The following SEMA3D variants were observed in gnomAD, a reference collection of about 807,000 sequenced individuals.
SEMA3D encodes semaphorin-3D.
In SEMA3D, 84 loss-of-function variants were observed where a neutral mutation model predicts 100.1. That is an observed-to-expected ratio of 0.84 (90% confidence interval 0.70 to 1.01). SEMA3D has a LOEUF of 1.01. SEMA3D is among the 50% of genes least tolerant of loss of function. The pLI is 0.00. For synonymous variants in SEMA3D, 312 were observed against 320.7 expected, an observed-to-expected ratio of 0.97 and a Z score of 0.29; for missense variants, 875 against 934.1, an observed-to-expected ratio of 0.94 and a Z score of 0.82.
chr7:85,225,081 T>C, the SEMA3D span, among the ~76,000 whole-genome samples: 5 of 15,784 alleles, frequency 3.2e-4, no homozygotes, highest in Admixed American at 5.2e-4. Flanking sequence ...TATATATATA[T>C]ATATATATAT....
chr7:85,108,884 T>C (rs1238612843), intron 3 of SEMA3D, among the ~76,000 whole-genome samples: 1 of 151,748 alleles, frequency 6.6e-6, no homozygotes, highest in Non-Finnish European at 1.5e-5. Context: ...CTTTTTCCCC[T>C]CAGCTTTTTT....
chr7:85,178,425 G>A (rs2116568022), intron 1 of SEMA3D, among the ~76,000 whole-genome samples: 1 of 152,264 alleles, frequency 6.6e-6, no homozygotes, highest in East Asian at 1.9e-4. Context: ...ACAATGAAGT[G>A]CAGGCTGAGG....
chr7:85,041,396 A>AC (rs1230330545), intron 10 of SEMA3D: 2 of 151,852 alleles, frequency 1.3e-5, no homozygotes, highest in Admixed American at 6.6e-5. Context: ...GAAAATAGCT[A>AC]CCCCCAAATT....
intron 2 of SEMA3D, among the ~76,000 whole-genome samples, chr7:85,127,898 T>C (rs559939668): frequency 2.6e-5 from 4 of 152,232 alleles, no homozygotes; most frequent in Non-Finnish European, 4.4e-5. Flanking sequence ...GATAATCTTA[T>C]AATATGCTTT....
At chr7:85,071,097 C>A (rs139981828) in intron 6 of SEMA3D, among the ~76,000 whole-genome samples, 1 of 152,276 alleles carries the variant, frequency 6.6e-6, no homozygotes, top group East Asian at 1.9e-4. Context: ...CTATAAAACA[C>A]TATTTGCCCC....
At chr7:85,056,728 A>T (rs1316949096) in intron 8 of SEMA3D, among the ~76,000 whole-genome samples, 1 of 150,360 alleles carries the variant, frequency 6.7e-6, no homozygotes. Context: ...AGTATTTATG[A>T]CAGAGTTCTA....
the SEMA3D span, among the ~76,000 whole-genome samples, chr7:85,195,654 G>A: frequency 3.3e-5 from 5 of 152,040 alleles, no homozygotes; most frequent in African/African-American, 9.7e-5. Flanking sequence ...TCAACTCAGC[G>A]CTGATTTTTC....
chr7:85,049,373 T>TA (rs987927329), intron 9 of SEMA3D, among the ~76,000 whole-genome samples: 4 of 151,620 alleles, frequency 2.6e-5, no homozygotes, highest in Non-Finnish European at 4.4e-5. Flanking sequence ...CAGAAACTCA[T>TA]AAAAATTATT....
chr7:85,032,213 G>T (rs1418133012), intron 12 of SEMA3D, among the ~76,000 whole-genome samples: 2 of 151,808 alleles, frequency 1.3e-5, no homozygotes, highest in African/African-American at 2.4e-5. Flanking sequence ...TATCTGATAC[G>T]CTGTGAAATA....
At chr7:85,074,822 G>T (rs1232028800) in intron 5 of SEMA3D, among the ~76,000 whole-genome samples, 1 of 151,878 alleles carries the variant, frequency 6.6e-6, no homozygotes, top group Non-Finnish European at 1.5e-5. Flanking sequence ...GTCTCGCTTT[G>T]TTACCTAGTC....
intron 11 of SEMA3D, 65 bp from the exon 12 acceptor site, chr7:85,037,098 C>T (rs557208795): frequency 2.6e-6 from 4 of 1,522,952 alleles, no homozygotes; most frequent in Admixed American, 3.5e-5. Context: ...TGACTGAGCA[C>T]ATACTATCAG....
chr7:85,144,235 A>C (rs1227013256), intron 2 of SEMA3D: 1 of 154,888 alleles, frequency 6.5e-6, no homozygotes, highest in Non-Finnish European at 1.4e-5. Context: ...TAGCAATAAA[A>C]ATTGGTTTGT....
chr7:85,020,130 G>T, intron 14 of SEMA3D, 103 bp downstream of exon 14: 6 of 717,566 alleles, frequency 8.4e-6, no homozygotes, highest in South Asian at 3.6e-5. Context: ...AATTTCAAAG[G>T]CTTCTTCAGG....
At chr7:85,141,425 G>A (rs1790049872) in intron 2 of SEMA3D, 1 of 984,622 alleles carries the variant, frequency 1.0e-6, no homozygotes, top group African/African-American at 1.7e-5. Context: ...TGGGGATTCT[G>A]TGCTAATATT....
At chr7:85,229,119 T>C in the SEMA3D span, among the ~76,000 whole-genome samples, 31 of 152,166 alleles carry the variant, frequency 2.0e-4, no homozygotes, top group African/African-American at 6.5e-4. Context: ...GAAGATATAC[T>C]AAGTTGTAAA....
At position 85,020,236 on chromosome 7, in the gene SEMA3D, G is replaced by C. The variant is rs375403623; in HGVS notation, c.1500C>G (p.Phe500Leu). ...GGCACTCTGGACTGAGTCTTACCTT[G>C]AATATCTGCAACTCCTCCAGCACTA... ...EEVVLEELQI[F>L]KHSSIILNME... The change falls in exon 14 of 19, where the codon TTC becomes TTG. Residue 500 changes from phenylalanine (F) to leucine (L), a missense_variant. Transcript: ENST00000284136. 3.4e-5 allele frequency: 55 copies of C among 1,603,604 alleles called. No homozygotes were observed. Among genetic ancestry groups the C allele is most frequent in the Non-Finnish European group, 4.5e-5 (53 of 1,171,692 alleles).
At chr7:85,193,385 A>G in the SEMA3D span, among the ~76,000 whole-genome samples, 6 of 152,266 alleles carry the variant, frequency 3.9e-5, no homozygotes, top group East Asian at 5.8e-4. Context: ...AAGAAGTATC[A>G]AGAAAAAAAT....
intron 4 of SEMA3D, among the ~76,000 whole-genome samples, chr7:85,083,746 C>G (rs1788132673): frequency 6.6e-6 from 1 of 151,332 alleles, no homozygotes; most frequent in Non-Finnish European, 1.5e-5. Context: ...ACTCGGGAGG[C>G]TGAGGCAGGA....
At chr7:85,077,199 A>T (rs1180006671) in intron 5 of SEMA3D, among the ~76,000 whole-genome samples, 3 of 152,014 alleles carry the variant, frequency 2.0e-5, no homozygotes, top group Admixed American at 2.0e-4. Context: ...TATATCTTAA[A>T]AATGAGAGAT....
Sources: gnomAD v4.1 joint callset for allele counts (sites outside exome capture counted in the v4.1 genomes callset) on GRCh38, gnomAD v4.1.1 for gene constraint, MANE v1.5 for transcripts, NCBI Gene and HGNC (gene_info 2026-07-23, HGNC 2026-07-21) for gene names.